Variants in SH2B1 observed in about 807,000 individuals in gnomAD.
The protein encoded by SH2B1 is SH2B adaptor protein 1, also known as SH2B adapter protein 1.
A neutral mutation model predicts 62.6 loss-of-function variants in SH2B1; 15 were observed. The observed-to-expected ratio is 0.24, with a 90% CI of 0.16 to 0.37. The LOEUF is 0.37. SH2B1 is among the 10% of genes least tolerant of loss of function. The pLI is 1.00. For missense variants in SH2B1, 925 were observed against 1,015.6 expected, an observed-to-expected ratio of 0.91 and a Z score of 1.21; for synonymous variants, 443 against 438.0, an observed-to-expected ratio of 1.01 and a Z score of -0.14.
chr16:28,863,791 C>T (rs750936170), upstream of SH2B1: 5 of 1,535,564 alleles, frequency 3.3e-6, no homozygotes, highest in South Asian at 1.2e-5. Context: ...CGCCGCTGTT[C>T]TCTATGGTCT....
rs1381919587 is a variant in SH2B1 at position 28,852,951 on chromosome 16, TTATATATGTACA to T, written c.-301+6144_-301+6155del. ...TTTTATATATATGTACATATATATT[TTATATATGTACA>T]TATATATGTACATATATATTTTATA... On this transcript the variant is annotated intron_variant, in intron 1 of 10. Transcript: ENST00000322610. 6.8e-5 allele frequency among the ~76,000 whole-genome samples: 6 copies of T among 88,324 alleles called. 2 individuals are homozygous for T. The highest frequency in any genetic ancestry group is 2.9e-4 in the East Asian group (1 of 3,448). The allele number at this position is 88,324 out of a possible 152,430, so 57.9% of individuals were successfully genotyped here. A position where few individuals can be genotyped will look rare whatever the true frequency, so the allele number is the denominator to read the frequency against.
chr16:28,862,767 C>G (rs1962491089), upstream of SH2B1: 2 of 148,248 alleles, frequency 1.3e-5, no homozygotes, highest in Non-Finnish European at 3.0e-5. Flanking sequence ...AGGCGCCTGC[C>G]ACCACGCCCG....
At position 28,873,984 on chromosome 16, in the gene SH2B1, C is replaced by T. The variant is rs1406171628; in HGVS notation, c.*164C>T. 3.3e-6 allele frequency: 2 copies of T among 613,254 alleles called. No individual in the cohort carries two copies. Among genetic ancestry groups the T allele is most frequent in the Non-Finnish European group, 4.9e-6 (2 of 410,482 alleles). The allele number at this position is 613,254 out of a possible 1,614,324, so 38.0% of individuals were successfully genotyped here. A position where few individuals can be genotyped will look rare whatever the true frequency, so the allele number is the denominator to read the frequency against. ...GCAGAGGCTCGGGAGAGGCTCCCGTCACACACTACAGGTCCCCTCCCCAGG... is the reference window on the plus strand; with the variant it reads ...GCAGAGGCTCGGGAGAGGCTCCCGTTACACACTACAGGTCCCCTCCCCAGG... On this transcript the variant is annotated 3_prime_UTR_variant, in exon 8 of 8. Transcript: ENST00000684370. The surrounding 1 kb of genome is among the most constrained non-coding windows in gnomAD (Gnocchi z 4.2).
chr16:28,853,165 AATAT>A (rs553901188), intron 1 of SH2B1, among the ~76,000 whole-genome samples: 1 of 134,206 alleles, frequency 7.5e-6, no homozygotes, highest in Admixed American at 8.3e-5. Flanking sequence ...TGTATATATA[AATAT>A]ATATATATTT....
chr16:28,855,797 G>A (rs1479894132), intron 1 of SH2B1, among the ~76,000 whole-genome samples: 4 of 141,002 alleles, frequency 2.8e-5, no homozygotes, highest in Admixed American at 7.3e-5. Context: ...CCGCCAGCAC[G>A]CCCGGCTAAT....
chr16:28,868,244 A>T (rs889081490), intron 2 of SH2B1, among the ~76,000 whole-genome samples: 1 of 151,876 alleles, frequency 6.6e-6, no homozygotes, highest in Non-Finnish European at 1.5e-5. Flanking sequence ...GGTTCATGCC[A>T]TTTTCCTGCC....
rs1349215467 is a variant in SH2B1 at position 28,865,460 on chromosome 16, C to A, written c.-635C>A. ...CTAGAATCCCAGCTCCTCTCTAGCC[C>A]CCTGCGAGCTGGGGCGGTGAGGTGC... On this transcript the variant is annotated 5_prime_UTR_variant, in exon 1 of 8. Transcript: ENST00000684370. 9.1e-6 allele frequency: 9 copies of A among 985,472 alleles called. No individual in the cohort carries two copies. Among genetic ancestry groups the A allele is most frequent in the Non-Finnish European group, 9.6e-6 (8 of 829,974 alleles). The allele number at this position is 985,472 out of a possible 1,614,324, so 61.0% of individuals were successfully genotyped here. A position where few individuals can be genotyped will look rare whatever the true frequency, so the allele number is the denominator to read the frequency against.
Position 28,865,463 on chromosome 16 carries a change from T to G in SH2B1, c.-632T>G. On this transcript the variant is annotated 5_prime_UTR_variant, in exon 1 of 8. Transcript: ENST00000684370. ...GAATCCCAGCTCCTCTCTAGCCCCCTGCGAGCTGGGGCGGTGAGGTGCTAT... is the reference window on the plus strand; with the variant it reads ...GAATCCCAGCTCCTCTCTAGCCCCCGGCGAGCTGGGGCGGTGAGGTGCTAT... 1 of 985,536 alleles carries G rather than the reference T, an allele frequency of 1.0e-6. No individual in the cohort carries two copies. Among genetic ancestry groups the G allele is most frequent in the Non-Finnish European group, 1.2e-6 (1 of 829,946 alleles). The allele number at this position is 985,536 out of a possible 1,614,324, so 61.0% of individuals were successfully genotyped here. A position where few individuals can be genotyped will look rare whatever the true frequency, so the allele number is the denominator to read the frequency against.
chr16:28,865,052 C>G lies in SH2B1; in HGVS notation c.-1043C>G. 1 of 983,436 alleles carries G rather than the reference C, an allele frequency of 1.0e-6. No homozygotes were observed. Among genetic ancestry groups the G allele is most frequent in the Non-Finnish European group, 1.2e-6 (1 of 828,108 alleles). The allele number at this position is 983,436 out of a possible 1,614,324, so 60.9% of individuals were successfully genotyped here. A position where few individuals can be genotyped will look rare whatever the true frequency, so the allele number is the denominator to read the frequency against. ...CTCATAAGGTGGTTTGAGCCCTGGT[C>G]TGACTCAAGTCCATGGCCTTAACCA... On this transcript the variant is annotated 5_prime_UTR_variant, in exon 1 of 8. Transcript: ENST00000684370.
chr16:28,867,387 C>G lies in SH2B1; in HGVS notation c.996C>G (p.Thr332=). 6.2e-7 allele frequency: 1 copy of G among 1,614,212 alleles called. No individual in the cohort carries two copies. The highest frequency in any genetic ancestry group is 1.1e-5 in the South Asian group (1 of 91,086). ...CTTCTATCACAGACGTCCGGACAAC[C>G]ACAGCCCTGGAGATGCCTGACCGGG... ...PCSSITDVRT[T]TALEMPDREN... Residue 332 remains threonine, a synonymous_variant, in exon 2 of 8, where the codon ACC becomes ACG. Transcript: ENST00000684370.
Position 28,864,743 on chromosome 16 carries a change from C to A in SH2B1, c.-1352C>A. The stretch of plus-strand genomic sequence containing the variant: ...GTAAATTCCACACCCAGCTCTGCCA[C>A]TTTCTAGTTGTAAGACCTTGAGAGG... On this transcript the variant is annotated 5_prime_UTR_variant, in exon 1 of 8. Transcript: ENST00000684370. 1 of 823,860 alleles carries A rather than the reference C, an allele frequency of 1.2e-6. No individual in the cohort carries two copies. Among genetic ancestry groups the A allele is most frequent in the Non-Finnish European group, 1.5e-6 (1 of 682,548 alleles). The allele number at this position is 823,860 out of a possible 1,614,324, so 51.0% of individuals were successfully genotyped here.
At chr16:28,858,935 C>T (rs1962379074), upstream of SH2B1, among the ~76,000 whole-genome samples, 2 of 139,386 alleles carry the variant, frequency 1.4e-5, no homozygotes, top group African/African-American at 2.7e-5. Flanking sequence ...CACAGCAAGA[C>T]TGTTTCTCAA....
chr16:28,873,742 G>A lies in SH2B1; in HGVS notation c.2193G>A (p.Leu731=). 6.7e-7 allele frequency: 1 copy of A among 1,488,150 alleles called. No homozygotes were observed. Among genetic ancestry groups the A allele is most frequent in the South Asian group, 1.4e-5 (1 of 73,522 alleles). 92.2% of individuals were successfully genotyped at this position (1,488,150 alleles called of 1,614,324 possible). ...GDAGVPPMVQ[L]QQSPLGGDGE... is the part of the protein sequence containing the mutation. ...CGGGGGTGCCCCCAATGGTGCAGCT[G>A]CAGCAGTCACCACTAGGGGGTGATG... is the stretch of plus-strand genomic sequence containing the variant. Residue 731 remains leucine (L), a synonymous_variant, in exon 8 of 8, where the codon CTG becomes CTA. Coordinates refer to ENST00000684370, the MANE Select transcript of SH2B1 (RefSeq NM_001387430.1). This position sits in a 1 kb window ranked among gnomAD's most constrained non-coding sequence, Gnocchi z 4.2.
Position 28,873,007 on chromosome 16 carries a change from C to A in SH2B1, c.1897+302C>A. ...GTCTGTCTCCTGGACCCATCCTGGC[C>A]TCGTCTTTGCCCTCCGTCGCAGCCT... On this transcript the variant is annotated intron_variant, in intron 7 of 7. Transcript: ENST00000684370. This position sits in a 1 kb window ranked among gnomAD's most constrained non-coding sequence, Gnocchi z 4.2. The A allele has an allele frequency of 1.6e-6, 1 of 643,460 alleles. No homozygotes were observed. The highest frequency in any genetic ancestry group is 2.7e-6 in the Non-Finnish European group (1 of 374,202). 39.9% of individuals were successfully genotyped at this position (643,460 alleles called of 1,614,324 possible). A position where few individuals can be genotyped will look rare whatever the true frequency, so the allele number is the denominator to read the frequency against.
rs528505066 is a variant in SH2B1 at position 28,874,100 on chromosome 16, G to C, written c.*280G>C. ...TTTCCCCATTAACTACCCCCAGCCC[G>C]AGGCAGGGTGAGGGGGAAGGGCTGT... On this transcript the variant is annotated 3_prime_UTR_variant, in exon 8 of 8. Transcript: ENST00000684370. The C allele has an allele frequency of 2.8e-6, 1 of 358,976 alleles. No individual in the cohort carries two copies. The highest frequency in any genetic ancestry group is 2.1e-5 in the African/African-American group (1 of 48,062). 22.2% of individuals were successfully genotyped at this position (358,976 alleles called of 1,614,324 possible).
chr16:28,873,146 TC>T lies in SH2B1; in HGVS notation c.1898-297del. ...TTCCCCTGCCCCACCGTCCCATCTG[TC>T]CCCACGTTGCCCCTCCCCCCAGGCC... On this transcript the variant is annotated intron_variant, in intron 7 of 7. Transcript: ENST00000684370. This position sits in a 1 kb window ranked among gnomAD's most constrained non-coding sequence, Gnocchi z 4.2. 6.7e-7 allele frequency: 1 copy of T among 1,489,622 alleles called. No homozygotes were observed. Among genetic ancestry groups the T allele is most frequent in the Non-Finnish European group, 9.0e-7 (1 of 1,106,668 alleles). The allele number at this position is 1,489,622 out of a possible 1,614,324, so 92.3% of individuals were successfully genotyped here.
rs1481592027 is a variant in SH2B1 at position 28,866,481 on chromosome 16, G to C, written c.387G>C (p.Leu129=). Residue 129 remains leucine, a synonymous_variant, in exon 1 of 8, where the codon CTG becomes CTC. Coordinates refer to ENST00000684370, the MANE Select transcript of SH2B1 (RefSeq NM_001387430.1). The surrounding 1 kb of genome is among the most constrained non-coding windows in gnomAD (Gnocchi z 6.3). ...VLGPSRSSED[L]AGPLPSSVSS... ...GCCCTTCTCGATCATCTGAGGACCT[G>C]GCCGGCCCCCTCCCTTCCTCAGTCT... 1 of 1,613,888 alleles carries C rather than the reference G, an allele frequency of 6.2e-7. No homozygotes were observed. Among genetic ancestry groups the C allele is most frequent in the Non-Finnish European group, 8.5e-7 (1 of 1,180,004 alleles).
chr16:28,867,451 A>G lies in SH2B1; in HGVS notation c.1041+19A>G. 4 of 1,571,956 alleles carry G rather than the reference A, an allele frequency of 2.5e-6. No individual in the cohort carries two copies. Among genetic ancestry groups the G allele is most frequent in the Non-Finnish European group, 3.5e-6 (4 of 1,141,550 alleles). ...GGTTAAGGTAGGAATTCAACTTCCC[A>G]GCCGCCGGCAGTGCTTGTGTTAAGG... On this transcript the variant is annotated intron_variant, in intron 2 of 7. Coordinates refer to ENST00000684370, the MANE Select transcript of SH2B1 (RefSeq NM_001387430.1).
chr16:28,855,647 A>AT (rs370910681), intron 1 of SH2B1, among the ~76,000 whole-genome samples: 2 of 144,992 alleles, frequency 1.4e-5, no homozygotes, highest in Non-Finnish European at 1.5e-5. Context: ...TTATTTATTT[A>AT]TTTTTTTTTT....
Sources: gnomAD v4.1 joint callset for allele counts (sites outside exome capture counted in the v4.1 genomes callset) on GRCh38, gnomAD v4.1.1 for gene constraint, Gnocchi (gnomAD v3.1) non-coding constraint, MANE v1.5 for transcripts, NCBI Gene and HGNC (gene_info 2026-07-23, HGNC 2026-07-21) for gene names.